Variants in DAB1 observed in about 807,000 individuals in gnomAD.
The protein encoded by DAB1 is disabled homolog 1.
Under a neutral mutation model 64.6 loss-of-function variants are expected in DAB1, and 15 were observed. The ratio of observed to expected loss-of-function variants is 0.23; its 90% confidence interval spans 0.16 to 0.36. The LOEUF (loss-of-function observed/expected upper bound fraction) is 0.36, where lower values mean the gene tolerates loss of function less well. DAB1 is among the 10% of genes least tolerant of loss of function. The pLI, the probability that DAB1 is intolerant of heterozygous loss-of-function variation, is 1.00. For synonymous variants in DAB1, 235 were observed against 251.9 expected (o/e 0.93, Z 0.64); for missense variants, 596 against 706.7 (o/e 0.84, Z 1.78).
intron 7 of DAB1, among the ~76,000 whole-genome samples, chr1:57,471,778 T>C (rs1416368719): frequency 6.6e-6 from 1 of 152,230 alleles, no homozygotes; most frequent in Non-Finnish European, 1.5e-5. Context: ...GGTATGTCTT[T>C]ATCAATAGCA....
chr1:58,241,425 C>T (rs945979180), intron 4 of DAB1, among the ~76,000 whole-genome samples: 1 of 152,012 alleles, frequency 6.6e-6, no homozygotes, highest in African/African-American at 2.4e-5. Flanking sequence ...CCCTTTGAGC[C>T]TTGCCCTAAA....
intron 1 of DAB1, chr1:58,534,261 A>G (rs764595590): frequency 1.1e-6 from 1 of 871,648 alleles, no homozygotes; most frequent in Non-Finnish European, 2.0e-6. Flanking sequence ...TAGATGACAA[A>G]GCACTTCTTT....
intron 2 of DAB1, among the ~76,000 whole-genome samples, chr1:57,183,271 C>A (rs1171340648): frequency 6.6e-6 from 1 of 151,992 alleles, no homozygotes; most frequent in Non-Finnish European, 1.5e-5. Flanking sequence ...AGGTTGGAGA[C>A]CATATCACAA....
In DAB1 at chr1:58,358,983, G is replaced by T. The variant is rs72912397; in HGVS notation, n.258-15580C>A. On this transcript the variant is annotated intron_variant and non_coding_transcript_variant, in intron 3 of 20. Transcript: ENST00000485760. ...ACACACACACACACACACACTCAAA[G>T]GATGCTGGGATCTAGGTTAGGTCTG... 7.6e-3 allele frequency among the ~76,000 whole-genome samples: 452 copies of T among 59,472 alleles called. 4 individuals are homozygous for T. The highest frequency in any genetic ancestry group is 0.028 in the African/African-American group (431 of 15,342). The allele number at this position is 59,472 out of a possible 152,430, so 39.0% of individuals were successfully genotyped here.
intron 4 of DAB1, among the ~76,000 whole-genome samples, chr1:58,340,697 C>T (rs76848447): frequency 0.025 from 3,829 of 152,266 alleles, 167 homozygotes; most frequent in African/African-American, 0.088. Context: ...ACACAGACAT[C>T]AGGCTGTAGG....
chr1:58,462,639 A>G (rs2100314955), intron 3 of DAB1: 1 of 152,292 alleles, frequency 6.6e-6, no homozygotes, highest in South Asian at 2.1e-4. Context: ...ATCGGTGGTC[A>G]GAATATGGGG....
intron 6 of DAB1, among the ~76,000 whole-genome samples, chr1:57,754,066 C>T (rs902807610): frequency 2.0e-5 from 3 of 152,142 alleles, no homozygotes; most frequent in Non-Finnish European, 4.4e-5. Context: ...AGAATGAGAG[C>T]TTATCTCATC....
chr1:58,200,919 C>A (rs1657961353), intron 4 of DAB1, among the ~76,000 whole-genome samples: 1 of 152,086 alleles, frequency 6.6e-6, no homozygotes, highest in Admixed American at 6.5e-5. Context: ...AGAATTTTGC[C>A]AATTTCTTTT....
chr1:57,889,894 TGGG>T (rs1259975929), intron 5 of DAB1, among the ~76,000 whole-genome samples: 2 of 8,016 alleles, frequency 2.5e-4, no homozygotes, highest in Admixed American at 3.2e-3. Context: ...TAGCACAAAC[TGGG>T]GCGGGGGGGG....
At chr1:58,510,728 A>G (rs1196500223) in intron 2 of DAB1, among the ~76,000 whole-genome samples, 1 of 152,044 alleles carries the variant, frequency 6.6e-6, no homozygotes, top group East Asian at 1.9e-4. Flanking sequence ...TAAAGACTCC[A>G]CACACACAAA....
intron 7 of DAB1, among the ~76,000 whole-genome samples, chr1:57,562,777 A>T (rs1309059149): frequency 1.3e-5 from 2 of 152,178 alleles, no homozygotes; most frequent in Admixed American, 6.5e-5. Context: ...TGCTGCCACC[A>T]GGAGACACGA....
intron 5 of DAB1, among the ~76,000 whole-genome samples, chr1:58,112,299 A>G (rs888611937): frequency 6.6e-6 from 1 of 152,240 alleles, no homozygotes; most frequent in Non-Finnish European, 1.5e-5. Context: ...GTTCCTTAAG[A>G]GCAATGACCT....
chr1:57,036,737 G>A (rs1647169375), intron 9 of DAB1, among the ~76,000 whole-genome samples: 1 of 152,066 alleles, frequency 6.6e-6, no homozygotes, highest in Non-Finnish European at 1.5e-5. Flanking sequence ...TTCCAGTGAG[G>A]AAATATAAAA....
rs117456896 is a variant in DAB1, at chr1:57,971,336, T to C, written n.388-87174A>G. 1.4e-4 allele frequency among the ~76,000 whole-genome samples: 21 copies of C among 152,334 alleles called. No individual in the cohort carries two copies. The East Asian group carries it at 4.0e-3, about 29-fold the overall frequency. Reference sequence around the variant, plus strand: ...AGCTGAAATGGGCAGACTTCCTACCTTGCCTTTGCTGAAGGTCAGCTGCTT... The same window carrying C: ...AGCTGAAATGGGCAGACTTCCTACCCTGCCTTTGCTGAAGGTCAGCTGCTT... On this transcript the variant is annotated intron_variant and non_coding_transcript_variant, in intron 5 of 20. Transcript: ENST00000485760.
At chr1:57,832,373 C>A (rs984764033) in intron 1 of DAB1, among the ~76,000 whole-genome samples, 1 of 152,102 alleles carries the variant, frequency 6.6e-6, no homozygotes, top group African/African-American at 2.4e-5. Context: ...ACTCTTGTCA[C>A]GAGGACAATT....
chr1:58,439,346 CCTT>C lies in DAB1; in HGVS notation n.257+66711_257+66713del, dbSNP rs557337960. Reference sequence around the variant, plus strand: ...TACTGCTTCTCTGTACTCCTCAGTACCTTCTTCTTGGTTTCATTGTTCATCTCC... The same window carrying C: ...TACTGCTTCTCTGTACTCCTCAGTACCTTCTTGGTTTCATTGTTCATCTCC... On this transcript the variant is annotated intron_variant and non_coding_transcript_variant, in intron 3 of 20. Coordinates refer to the DAB1 transcript ENST00000485760. Among the ~76,000 whole-genome samples, 67 of 152,232 alleles carry C rather than the reference CCTT, an allele frequency of 4.4e-4. 1 individual carries two copies. The South Asian group carries it at 0.014, about 32-fold the overall frequency.
At chr1:58,528,712 G>C (rs1333871235) in intron 1 of DAB1, among the ~76,000 whole-genome samples, 1 of 152,068 alleles carries the variant, frequency 6.6e-6, no homozygotes, top group African/African-American at 2.4e-5. Flanking sequence ...GTGTCATTCG[G>C]TCCTCACAAC....
intron 5 of DAB1, among the ~76,000 whole-genome samples, chr1:57,925,204 G>T (rs750012182): frequency 4.6e-5 from 7 of 152,152 alleles, no homozygotes; most frequent in African/African-American, 7.2e-5. Context: ...ATCACCATTA[G>T]AAGAGTATGT....
At chr1:57,097,949 T>C (rs1654324468) in intron 4 of DAB1, among the ~76,000 whole-genome samples, 1 of 152,050 alleles carries the variant, frequency 6.6e-6, no homozygotes, top group South Asian at 2.1e-4. Context: ...GGCTAATTTT[T>C]TGTATTTTTA....
Sources: gnomAD v4.1 joint callset for allele counts (sites outside exome capture counted in the v4.1 genomes callset) on GRCh38, gnomAD v4.1.1 for gene constraint, MANE v1.5 for transcripts, NCBI Gene and HGNC (gene_info 2026-07-23, HGNC 2026-07-21) for gene names.